INSYN1: variants seen among roughly 807,000 people sequenced by gnomAD.
INSYN1 encodes inhibitory synaptic factor 1, also known as UPF0583 protein C15orf59.
In INSYN1, 7 loss-of-function variants were observed where a neutral mutation model predicts 17.1. The observed-to-expected ratio is 0.41, with a 90% CI of 0.23 to 0.77. INSYN1 has a LOEUF of 0.77. INSYN1 is among the 30% of genes least tolerant of loss of function. INSYN1 has a pLI of 0.32. For missense variants in INSYN1, 339 were observed against 400.6 expected (o/e 0.85, Z 1.31); for synonymous variants, 174 against 166.3 (o/e 1.05, Z -0.36).
chr15:73,744,227 A>G (rs190512774), intron 2 of INSYN1, among the ~76,000 whole-genome samples: 1 of 152,328 alleles, frequency 6.6e-6, no homozygotes, highest in African/African-American at 2.4e-5. Flanking sequence ...TGACCCTCTG[A>G]TGTGGGTCCA....
Position 73,740,640 on chromosome 15 carries a change from C to A in INSYN1, c.159G>T (p.Val53=). The part of the protein sequence containing the change: ...LKEVAKELRE[V]VSQIDKLTSD... ...AGGTTAGCTTATCGATCTGGCTCACCACCTGACCAGGGAAGGGGAGAGGAG... is the reference window on the plus strand; with the variant it reads ...AGGTTAGCTTATCGATCTGGCTCACAACCTGACCAGGGAAGGGGAGAGGAG... The change falls in exon 3 of 3, where the codon GTG becomes GTT. Residue 53 remains valine, a splice_region_variant and synonymous_variant. Coordinates refer to ENST00000569673, the MANE Select transcript of INSYN1 (RefSeq NM_001039614.3). 6.2e-7 allele frequency: 1 copy of A among 1,605,420 alleles called. No homozygotes were observed. Among genetic ancestry groups the A allele is most frequent in the Non-Finnish European group, 8.5e-7 (1 of 1,174,944 alleles).
In INSYN1 at chr15:73,740,261, G is replaced by A; in HGVS notation, c.538C>T (p.Pro180Ser). ...TVKSQLPQRT[P>S]GTRERVRFSD... ...AACCGCACCCTCTCCCGTGTCCCTG[G>A]GGTCCGCTGGGGCAGCTGGCTCTTC... The change falls in exon 3 of 3, where the codon CCA becomes TCA. Residue 180 changes from proline (P) to serine (S), a missense_variant. Physicochemically the swap from Pro to Ser is moderately conservative, Grantham distance 74 (BLOSUM62 -1). Coordinates refer to ENST00000569673, the MANE Select transcript of INSYN1 (RefSeq NM_001039614.3). 2 of 1,613,884 alleles carry A rather than the reference G, an allele frequency of 1.2e-6. No individual in the cohort carries two copies. Among genetic ancestry groups the A allele is most frequent in the Middle Eastern group, 1.6e-4 (1 of 6,062 alleles).
rs144678753 is a variant in INSYN1, at chr15:73,750,476, C to T, written c.156+499G>A. On this transcript the variant is annotated intron_variant, in intron 2 of 2. Coordinates refer to ENST00000569673, the MANE Select transcript of INSYN1 (RefSeq NM_001039614.3). ...AGGACATAGCTGGCTTAAATTTTTC[C>T]AAGATCAAGGGTTCTCAGTATCTGT... is the stretch of plus-strand genomic sequence containing the variant. 1.2e-3 allele frequency among the ~76,000 whole-genome samples: 182 copies of T among 152,270 alleles called. 1 individual carries two copies. The highest frequency in any genetic ancestry group is 4.1e-3 in the African/African-American group (171 of 41,536).
chr15:73,741,945 C>A (rs924136388), intron 2 of INSYN1, among the ~76,000 whole-genome samples: 6 of 152,136 alleles, frequency 3.9e-5, no homozygotes, highest in Non-Finnish European at 5.9e-5. Context: ...GTGGCTTGGG[C>A]CAGTGGGAAG....
Position 73,736,804 on chromosome 15 carries a change from G to A in INSYN1, c.*3113C>T, listed in dbSNP as rs1379018359. On this transcript the variant is annotated 3_prime_UTR_variant, in exon 3 of 3. Transcript: ENST00000569673. Reference sequence around the variant, plus strand: ...CAAGCTACTCAGGTGGCTGAGACAGGAGAATTGTTTGAACCTGGGAGGTGG... The same window carrying A: ...CAAGCTACTCAGGTGGCTGAGACAGAAGAATTGTTTGAACCTGGGAGGTGG... 1.3e-5 allele frequency: 2 copies of A among 152,262 alleles called. No homozygotes were observed. The highest frequency in any genetic ancestry group is 3.9e-4 in the East Asian group (2 of 5,190). The allele number at this position is 152,262 out of a possible 1,614,324, so 9.4% of individuals were successfully genotyped here. A position where few individuals can be genotyped will look rare whatever the true frequency, so the allele number is the denominator to read the frequency against.
At chr15:73,741,499 C>G (rs1203814386) in intron 2 of INSYN1, among the ~76,000 whole-genome samples, 3 of 152,214 alleles carry the variant, frequency 2.0e-5, no homozygotes, top group East Asian at 1.9e-4. Context: ...TACAGAAGGC[C>G]CTGGCTTGGG....
chr15:73,747,248 T>C (rs1187946789), intron 2 of INSYN1, among the ~76,000 whole-genome samples: 1 of 152,170 alleles, frequency 6.6e-6, no homozygotes, highest in Non-Finnish European at 1.5e-5. Context: ...GGCCACCTTA[T>C]TGGAGACCCC....
At position 73,738,731 on chromosome 15, in the gene INSYN1, TG is replaced by T. The variant is rs747217205; in HGVS notation, c.*1185del. On this transcript the variant is annotated 3_prime_UTR_variant, in exon 3 of 3. Transcript: ENST00000569673. ...AAAAAGAAAGAAAGAAAAAGAAAAA[TG>T]GGGTAATAATACTTCCTGTCTCATC... 1 of 151,808 alleles carries T rather than the reference TG, an allele frequency of 6.6e-6. No homozygotes were observed. Among genetic ancestry groups the T allele is most frequent in the African/African-American group, 2.4e-5 (1 of 41,296 alleles). The allele number at this position is 151,808 out of a possible 1,614,324, so 9.4% of individuals were successfully genotyped here. A position where few individuals can be genotyped will look rare whatever the true frequency, so the allele number is the denominator to read the frequency against.
intron 2 of INSYN1, among the ~76,000 whole-genome samples, chr15:73,742,387 C>G (rs1282568252): frequency 2.0e-5 from 3 of 152,166 alleles, no homozygotes; most frequent in Non-Finnish European, 4.4e-5. Flanking sequence ...CTTATGAGAG[C>G]TTCATGAAGG....
chr15:73,743,917 C>T (rs1198485429), intron 2 of INSYN1, among the ~76,000 whole-genome samples: 1 of 141,210 alleles, frequency 7.1e-6, no homozygotes, highest in Non-Finnish European at 1.5e-5. Flanking sequence ...TAGCTAAATA[C>T]TTAAGAACCT....
Position 73,739,131 on chromosome 15 carries a change from G to C in INSYN1, c.*786C>G, listed in dbSNP as rs572065125. 6.6e-6 allele frequency: 1 copy of C among 152,308 alleles called. No individual in the cohort carries two copies. Among genetic ancestry groups the C allele is most frequent in the Non-Finnish European group, 1.5e-5 (1 of 68,076 alleles). The allele number at this position is 152,308 out of a possible 1,614,324, so 9.4% of individuals were successfully genotyped here. A position where few individuals can be genotyped will look rare whatever the true frequency, so the allele number is the denominator to read the frequency against. Reference sequence around the variant, plus strand: ...CTCGCACAGATCTCAGGTCTGCTTAGGGCCACGCCAGGACTGGCTGAGGCT... The same window carrying C: ...CTCGCACAGATCTCAGGTCTGCTTACGGCCACGCCAGGACTGGCTGAGGCT... On this transcript the variant is annotated 3_prime_UTR_variant, in exon 3 of 3. Coordinates refer to ENST00000569673, the MANE Select transcript of INSYN1 (RefSeq NM_001039614.3).
At position 73,753,263 on chromosome 15, in the gene INSYN1, G is replaced by A. The variant is rs934518222; in HGVS notation, c.-1721C>T. Among the ~76,000 whole-genome samples the A allele has an allele frequency of 2.7e-5, 4 of 147,514 alleles. No homozygotes were observed. The highest frequency in any genetic ancestry group is 9.8e-5 in the African/African-American group (4 of 40,902). ...CCGGCCCGCCCCGCCGCCCCCCGCC[G>A]GACTGGCCGCCCGGGCGGGCGCTGG... On this transcript the variant is annotated 5_prime_UTR_variant, in exon 1 of 3. Coordinates refer to ENST00000569673, the MANE Select transcript of INSYN1 (RefSeq NM_001039614.3). The surrounding 1 kb of genome is among the most constrained non-coding windows in gnomAD (Gnocchi z 4.2).
In INSYN1 at chr15:73,751,125, G is replaced by A. The variant is rs773272214; in HGVS notation, c.6C>T (p.Asn2=). The change falls in exon 2 of 3, where the codon AAC becomes AAT. Residue 2 remains asparagine (N), a synonymous_variant. Coordinates refer to ENST00000569673, the MANE Select transcript of INSYN1 (RefSeq NM_001039614.3). M[N]IRGAPDLGQP... ...GCCCGAGGTCCGGGGCGCCCCGAAT[G>A]TTCATCGTTTACCACGTGGCCGCAG... 45 of 1,613,568 alleles carry A rather than the reference G, an allele frequency of 2.8e-5. No homozygotes were observed. Among genetic ancestry groups the A allele is most frequent in the Admixed American group, 1.7e-5 (1 of 60,000 alleles).
intron 2 of INSYN1, among the ~76,000 whole-genome samples, chr15:73,744,511 T>G (rs1901771972): frequency 6.6e-6 from 1 of 152,104 alleles, no homozygotes. Context: ...AGCTTCTCTG[T>G]GGGGGGCCTG....
intron 2 of INSYN1, among the ~76,000 whole-genome samples, chr15:73,748,537 C>T (rs1417284254): frequency 6.6e-6 from 1 of 152,144 alleles, no homozygotes; most frequent in Non-Finnish European, 1.5e-5. Flanking sequence ...AACCTTGAGC[C>T]TACCCATGCC....
intron 2 of INSYN1, among the ~76,000 whole-genome samples, chr15:73,749,260 C>T (rs1901915177): frequency 1.3e-5 from 2 of 152,204 alleles, no homozygotes; most frequent in Non-Finnish European, 2.9e-5. Context: ...TCTAGGCATA[C>T]TTCTGCCACT....
intron 2 of INSYN1, among the ~76,000 whole-genome samples, chr15:73,747,136 C>T (rs911039704): frequency 5.9e-5 from 9 of 152,210 alleles, no homozygotes; most frequent in Non-Finnish European, 1.0e-4. Flanking sequence ...AGCACACTTC[C>T]TCTTCGAGAC....
At chr15:73,750,587 TGTGACCAGATCAGAGTCTGGGAGACA>T (rs765706395) in intron 2 of INSYN1, among the ~76,000 whole-genome samples, 34 of 152,156 alleles carry the variant, frequency 2.2e-4, no homozygotes, top group South Asian at 4.1e-4. Flanking sequence ...CAGGGTCCCT[TGTGACCAGATCAGAGTCTGGGAGACA>T]GATGGTGGGT....
At position 73,739,598 on chromosome 15, in the gene INSYN1, C is replaced by T. The variant is rs1901618650; in HGVS notation, c.*319G>A. ...GGCCCTGGCCATCAGCCAGACTCCACCACAGAGTTCAGGGGCTAGCAAAAG... is the reference window on the plus strand; with the variant it reads ...GGCCCTGGCCATCAGCCAGACTCCATCACAGAGTTCAGGGGCTAGCAAAAG... On this transcript the variant is annotated 3_prime_UTR_variant, in exon 3 of 3. Coordinates refer to ENST00000569673, the MANE Select transcript of INSYN1 (RefSeq NM_001039614.3). 1 of 152,810 alleles carries T rather than the reference C, an allele frequency of 6.5e-6. No homozygotes were observed. The highest frequency in any genetic ancestry group is 2.1e-4 in the South Asian group (1 of 4,848). The allele number at this position is 152,810 out of a possible 1,614,324, so 9.5% of individuals were successfully genotyped here.
Sources: allele counts gnomAD v4.1 joint callset (sites outside exome capture counted in the v4.1 genomes callset), GRCh38; gene constraint gnomAD v4.1.1; non-coding constraint Gnocchi (gnomAD v3.1); transcripts MANE v1.5; gene names NCBI Gene and HGNC (gene_info 2026-07-23, HGNC 2026-07-21).